RANBP10: variants seen among roughly 807,000 people sequenced by gnomAD.
The protein encoded by RANBP10 is RAN binding protein 10.
Under a neutral mutation model 72.8 loss-of-function variants are expected in RANBP10, and 24 were observed. The ratio of observed to expected loss-of-function variants is 0.33; its 90% CI spans 0.24 to 0.46. The LOEUF is 0.46. Ranked by LOEUF, RANBP10 falls within the 20% of genes least tolerant of loss-of-function variation. The pLI is 1.00. For missense variants in RANBP10, 679 were observed against 817.5 expected, an observed-to-expected ratio of 0.83 and a Z score of 2.07; for synonymous variants, 310 against 322.3, an observed-to-expected ratio of 0.96 and a Z score of 0.41.
chr16:67,760,134 C>T (rs780675239), intron 3 of RANBP10, among the ~76,000 whole-genome samples: 5 of 151,840 alleles, frequency 3.3e-5, no homozygotes, highest in Non-Finnish European at 5.9e-5. Context: ...AACCCATCTA[C>T]ATGCCAATAA....
At chr16:67,731,649 A>C in intron 6 of RANBP10, 65 bp from the exon 7 acceptor site, 1 of 1,243,382 alleles carries the variant, frequency 8.0e-7, no homozygotes, top group Non-Finnish European at 1.1e-6. Context: ...TACCCAATGG[A>C]CTCAGGACAG....
At chr16:67,791,622 G>A (rs2055030064) in intron 2 of RANBP10, among the ~76,000 whole-genome samples, 1 of 152,054 alleles carries the variant, frequency 6.6e-6, no homozygotes, top group Non-Finnish European at 1.5e-5. Flanking sequence ...ACCTCCCAGG[G>A]GCTCCAGGAA....
intron 2 of RANBP10, among the ~76,000 whole-genome samples, chr16:67,776,414 A>T (rs1459473739): frequency 7.0e-6 from 1 of 143,298 alleles, no homozygotes; most frequent in Non-Finnish European, 1.5e-5. Flanking sequence ...TTGAGCTGAG[A>T]TCAGGCCACT....
rs1425844317 is a variant in RANBP10, at chr16:67,756,971, G to A, written c.401-12516C>T. Among the ~76,000 whole-genome samples, 9 of 152,324 alleles carry A rather than the reference G, an allele frequency of 5.9e-5. No homozygotes were observed. In the East Asian group the frequency reaches 9.7e-4, roughly 16 times the overall value. ...TGTTATCCCAGCACTTTGGGAGGCC[G>A]AGGTGGGCGGATCACCTGAGGTCGG... On this transcript the variant is annotated intron_variant, in intron 3 of 13. Coordinates refer to ENST00000317506, the MANE Select transcript of RANBP10 (RefSeq NM_020850.3).
chr16:67,783,151 A>C (rs540228743), intron 2 of RANBP10, among the ~76,000 whole-genome samples: 22 of 152,222 alleles, frequency 1.4e-4, no homozygotes, highest in Non-Finnish European at 3.2e-4. Context: ...GGCACCTAGT[A>C]TGTCCCAAGC....
intron 3 of RANBP10, among the ~76,000 whole-genome samples, chr16:67,744,745 G>T (rs754562003): frequency 6.6e-6 from 1 of 152,260 alleles, no homozygotes; most frequent in Non-Finnish European, 1.5e-5. Flanking sequence ...ACAACAAGGA[G>T]GTGGTCAAGG....
intron 2 of RANBP10, among the ~76,000 whole-genome samples, chr16:67,802,459 G>A (rs527760440): frequency 5.3e-5 from 8 of 152,236 alleles, no homozygotes; most frequent in African/African-American, 1.9e-4. Flanking sequence ...CCAACATGGC[G>A]AAACCCCATC....
chr16:67,744,428 T>C lies in RANBP10; in HGVS notation c.428A>G (p.His143Arg), dbSNP rs1347491494. Reference sequence around the variant, plus strand: ...GCAGAACGAATGCCCATCATCACCATGGTAACCATAGGAATGTTTGTCCCA... The same window carrying C: ...GCAGAACGAATGCCCATCATCACCACGGTAACCATAGGAATGTTTGTCCCA... Reference protein sequence around the residue: ...PGWDKHSYGYHGDDGHSFCSS... With the variant: ...PGWDKHSYGYRGDDGHSFCSS... Residue 143 changes from histidine to arginine, a missense_variant, in exon 4 of 14, where the codon CAT becomes CGT. Transcript: ENST00000317506. The C allele has an allele frequency of 2.5e-6, 4 of 1,614,064 alleles. No homozygotes were observed. The highest frequency in any genetic ancestry group is 1.1e-5 in the South Asian group (1 of 91,052).
intron 2 of RANBP10, among the ~76,000 whole-genome samples, chr16:67,802,876 A>G (rs2055262524): frequency 6.6e-6 from 1 of 152,126 alleles, no homozygotes; most frequent in Non-Finnish European, 1.5e-5. Context: ...TACAAAAAGA[A>G]AAAAAGAATC....
intron 2 of RANBP10, among the ~76,000 whole-genome samples, chr16:67,788,794 A>G (rs897007917): frequency 2.0e-5 from 3 of 151,116 alleles, no homozygotes; most frequent in Non-Finnish European, 1.5e-5. Context: ...TGAGGTCAGG[A>G]GTTCGAGACC....
intron 4 of RANBP10, 62 bp from the exon 5 acceptor site, chr16:67,738,097 C>G: frequency 6.7e-7 from 1 of 1,494,954 alleles, no homozygotes; most frequent in Non-Finnish European, 9.0e-7. Flanking sequence ...CTCTGCACCC[C>G]ATGGTGGAGC....
intron 4 of RANBP10, 31 bp downstream of exon 4, chr16:67,744,257 G>A: frequency 6.2e-7 from 1 of 1,600,474 alleles, no homozygotes; most frequent in South Asian, 1.1e-5. Context: ...GCTCCACAGA[G>A]CAGAGCCTCC....
At chr16:67,804,892 G>A (rs2055316729) in intron 2 of RANBP10, among the ~76,000 whole-genome samples, 1 of 152,038 alleles carries the variant, frequency 6.6e-6, no homozygotes, top group African/African-American at 2.4e-5. Flanking sequence ...TCAAGTCCTT[G>A]GACTGAAAAA....
intron 11 of RANBP10, 67 bp downstream of exon 11, chr16:67,728,323 C>T (rs1194977828): frequency 2.6e-6 from 4 of 1,563,006 alleles, no homozygotes; most frequent in Non-Finnish European, 3.5e-6. Flanking sequence ...CAGCCCCTCC[C>T]AGGGGAAGAG....
chr16:67,761,726 C>T (rs1481136606), intron 3 of RANBP10, among the ~76,000 whole-genome samples: 2 of 152,134 alleles, frequency 1.3e-5, no homozygotes, highest in Admixed American at 1.3e-4. Flanking sequence ...CATACCACCA[C>T]ATCCAGCTAA....
chr16:67,762,026 G>A (rs966979090), intron 3 of RANBP10, among the ~76,000 whole-genome samples: 1 of 152,172 alleles, frequency 6.6e-6, no homozygotes, highest in Non-Finnish European at 1.5e-5. Context: ...GAGGCCAAAG[G>A]AGGAGGACTG....
At chr16:67,743,846 G>A (rs564273992) in intron 4 of RANBP10, among the ~76,000 whole-genome samples, 9 of 152,144 alleles carry the variant, frequency 5.9e-5, no homozygotes, top group Non-Finnish European at 1.2e-4. Context: ...CCAGAGGTCT[G>A]GCCCTATCTG....
At chr16:67,779,205 G>C (rs1418543476) in intron 2 of RANBP10, among the ~76,000 whole-genome samples, 1 of 152,128 alleles carries the variant, frequency 6.6e-6, no homozygotes, top group Admixed American at 6.6e-5. Flanking sequence ...GATCAGCCTG[G>C]GCAAAATGGT....
chr16:67,802,757 A>G (rs750071813), intron 2 of RANBP10, among the ~76,000 whole-genome samples: 7 of 152,230 alleles, frequency 4.6e-5, no homozygotes, highest in Non-Finnish European at 8.8e-5. Flanking sequence ...GTCAACACCT[A>G]TAGTTCACCA....
Sources: gnomAD v4.1 joint callset for allele counts (sites outside exome capture counted in the v4.1 genomes callset) on GRCh38, gnomAD v4.1.1 for gene constraint, MANE v1.5 for transcripts, NCBI Gene and HGNC (gene_info 2026-07-23, HGNC 2026-07-21) for gene names.